Variants in PIK3C2B observed in about 807,000 individuals in gnomAD.
PIK3C2B encodes phosphatidylinositol 4-phosphate 3-kinase C2 domain-containing subunit beta.
Under a neutral mutation model 184.3 loss-of-function variants are expected in PIK3C2B, and 83 were observed. That is an observed-to-expected ratio of 0.45 (90% CI 0.38 to 0.54). PIK3C2B has a LOEUF of 0.54. Ranked by LOEUF, PIK3C2B falls within the 20% of genes least tolerant of loss-of-function variation. The pLI is 0.00. For missense variants in PIK3C2B, 1,736 were observed against 2,113.5 expected, an observed-to-expected ratio of 0.82 and a Z score of 3.50; for synonymous variants, 779 against 837.6, an observed-to-expected ratio of 0.93 and a Z score of 1.21.
chr1:204,442,762 T>C (rs1675738265), intron 19 of PIK3C2B, 129 bp from the exon 20 acceptor site: 4 of 623,388 alleles, frequency 6.4e-6, no homozygotes, highest in Non-Finnish European at 1.1e-5. Flanking sequence ...GTGGACACCC[T>C]CCAGAAGATC....
intron 12 of PIK3C2B, among the ~76,000 whole-genome samples, chr1:204,450,629 A>AGGAG (rs1392947727): frequency 6.6e-6 from 1 of 152,108 alleles, no homozygotes; most frequent in African/African-American, 2.4e-5. Context: ...AGGGACAAAG[A>AGGAG]GGAGGGGTTT....
chr1:204,464,437 C>T lies in PIK3C2B; in HGVS notation c.1189+13G>A, dbSNP rs756601020. On this transcript the variant is annotated intron_variant, in intron 4 of 32. Transcript: ENST00000684373. ...AAGGGATGCTCACATCCTCTCCCCC[C>T]TCACTAACTTACAGTTGCAGGTGAA... The T allele has an allele frequency of 1.2e-6, 2 of 1,610,678 alleles. No individual in the cohort carries two copies. The highest frequency in any genetic ancestry group is 8.5e-7 in the Non-Finnish European group (1 of 1,177,666).
chr1:204,447,617 G>A lies in PIK3C2B; in HGVS notation c.2347-39C>T, dbSNP rs988707875. The A allele has an allele frequency of 2.6e-6, 4 of 1,542,272 alleles. No homozygotes were observed. In the African/African-American group the frequency reaches 5.4e-5, roughly 21 times the overall value. ...TCAGGGATGTGAGGAGAGAAAACAG[G>A]CAGCGTGTGTGGACTCCCAGCTTCT... On this transcript the variant is annotated intron_variant, in intron 14 of 32. Coordinates refer to ENST00000684373, the MANE Select transcript of PIK3C2B (RefSeq NM_001377334.1). The surrounding 1 kb of genome is among the most constrained non-coding windows in gnomAD (Gnocchi z 4.1).
At position 204,493,969 on chromosome 1, in the gene PIK3C2B, G is replaced by A. The variant is rs555618468; in HGVS notation, c.-85+387C>T. Among the ~76,000 whole-genome samples, 84 of 152,192 alleles carry A rather than the reference G, an allele frequency of 5.5e-4. 1 individual carries two copies. Among genetic ancestry groups the A allele is most frequent in the Non-Finnish European group, 1.1e-3 (77 of 68,032 alleles). ...CACAGAAGGCACTAACCCCATCACA[G>A]GACAGGTTTTGCTTTTTTTATTTCT... On this transcript the variant is annotated intron_variant, in intron 1 of 32. Transcript: ENST00000684373.
chr1:204,432,890 G>A (rs1017654568), intron 26 of PIK3C2B, among the ~76,000 whole-genome samples: 5 of 152,156 alleles, frequency 3.3e-5, no homozygotes, highest in Admixed American at 1.3e-4. Flanking sequence ...ACACATCCTT[G>A]CTTTCACACA....
Position 204,482,482 on chromosome 1 carries a change from T to A in PIK3C2B, c.-85+11874A>T, listed in dbSNP as rs115070432. On this transcript the variant is annotated intron_variant, in intron 1 of 32. Coordinates refer to ENST00000684373, the MANE Select transcript of PIK3C2B (RefSeq NM_001377334.1). ...GTCAAAGGAGAAACCCTACTCAGGA[T>A]GCAACGCCTTAAGAGAGAACTGAAG... is the stretch of plus-strand genomic sequence containing the variant. 3.0e-3 allele frequency among the ~76,000 whole-genome samples: 456 copies of A among 152,318 alleles called. 3 individuals carry two copies. Among genetic ancestry groups the A allele is most frequent in the African/African-American group, 9.2e-3 (383 of 41,580 alleles).
Position 204,440,232 on chromosome 1 carries a change from G to T in PIK3C2B, c.3339C>A (p.Arg1113=). 6.2e-7 allele frequency: 1 copy of T among 1,612,494 alleles called. No individual in the cohort carries two copies. Among genetic ancestry groups the T allele is most frequent in the Non-Finnish European group, 8.5e-7 (1 of 1,179,134 alleles). Residue 1113 remains arginine, a synonymous_variant, in exon 22 of 33, where the codon CGC becomes CGA. Transcript: ENST00000684373. The part of the protein sequence containing the change: ...KIWVQEGLDM[R]MVIFRCFSTG... ...TGGAGAAGCAGCGGAAGATGACCAT[G>T]CGCATGTCCAGCCCCTCCTGGACCC... is the stretch of plus-strand genomic sequence containing the variant.
chr1:204,443,665 A>AGAGT lies in PIK3C2B; in HGVS notation c.2868-72_2868-69dup, dbSNP rs1653580168. 3 of 1,443,770 alleles carry AGAGT rather than the reference A, an allele frequency of 2.1e-6. No individual in the cohort carries two copies. The Admixed American group carries it at 5.2e-5, about 25-fold the overall frequency. The allele number at this position is 1,443,770 out of a possible 1,614,324, so 89.4% of individuals were successfully genotyped here. A position where few individuals can be genotyped will look rare whatever the true frequency, so the allele number is the denominator to read the frequency against. The stretch of plus-strand genomic sequence containing the variant: ...CAAAGGCAAGGGTACAGGGGGAGAC[A>AGAGT]GAGTCAGGCCCAGCTCCAACTCACT... On this transcript the variant is annotated intron_variant, in intron 18 of 32. Coordinates refer to ENST00000684373, the MANE Select transcript of PIK3C2B (RefSeq NM_001377334.1).
In PIK3C2B at chr1:204,445,993, T is replaced by G. The variant is rs866033740; in HGVS notation, c.2641A>C (p.Met881Leu). Residue 881 changes from methionine (M) to leucine (L), a missense_variant, in exon 16 of 33, where the codon ATG (methionine) becomes CTG (leucine). Physicochemically the swap from Met to Leu is conservative, Grantham distance 15. Coordinates refer to ENST00000684373, the MANE Select transcript of PIK3C2B (RefSeq NM_001377334.1). ...IYVLLKQWTH[M>L]NHQDALGLLH... ...AGCCCCAGGGCATCCTGGTGGTTCATGTGGGTCCACTGCTTCAGGAGAACA... is the reference window on the plus strand; with the variant it reads ...AGCCCCAGGGCATCCTGGTGGTTCAGGTGGGTCCACTGCTTCAGGAGAACA... 6 of 1,577,044 alleles carry G rather than the reference T, an allele frequency of 3.8e-6. No individual in the cohort carries two copies. Among genetic ancestry groups the G allele is most frequent in the Non-Finnish European group, 5.2e-6 (6 of 1,156,608 alleles).
chr1:204,438,574 T>C (rs1237734421), intron 23 of PIK3C2B, among the ~76,000 whole-genome samples: 1 of 152,194 alleles, frequency 6.6e-6, no homozygotes, highest in East Asian at 1.9e-4. Flanking sequence ...CAACTCTTTT[T>C]CTAGAAAGTA....
chr1:204,455,830 T>C, intron 11 of PIK3C2B, 26 bp downstream of exon 11: 2 of 1,580,146 alleles, frequency 1.3e-6, no homozygotes, highest in Non-Finnish European at 1.7e-6. Flanking sequence ...GCTTGCTCCC[T>C]AGCGGCTACT....
In PIK3C2B at chr1:204,449,868, G is replaced by T; in HGVS notation, c.2216C>A (p.Pro739Gln). 3.1e-6 allele frequency: 5 copies of T among 1,612,392 alleles called. No individual in the cohort carries two copies. The highest frequency in any genetic ancestry group is 4.2e-6 in the Non-Finnish European group (5 of 1,179,088). ...VPEALGWVTTPLFNFRQVLTC... is the reference protein window; with the variant it reads ...VPEALGWVTTQLFNFRQVLTC... ...CACATACTGCCTGAAGTTGAAGAGT[G>T]GGGTAGTGACCCAGCCCAGGGCTTC... Residue 739 changes from proline to glutamine, a missense_variant, in exon 13 of 33, where the codon CCA (proline) becomes CAA (glutamine). Physicochemically the swap from Pro to Gln is moderately conservative, Grantham distance 76. Around this residue, in one of 8 missense-constraint regions of PIK3C2B, gnomAD observed 609 missense variants for 699.2 expected, o/e 0.87. Transcript: ENST00000684373.
chr1:204,429,576 T>C (rs1309449844), intron 29 of PIK3C2B, among the ~76,000 whole-genome samples: 1 of 152,138 alleles, frequency 6.6e-6, no homozygotes, highest in Non-Finnish European at 1.5e-5. Context: ...CTACTATTTG[T>C]TTAAAAAAAA....
intron 5 of PIK3C2B, among the ~76,000 whole-genome samples, chr1:204,461,152 G>A (rs980554745): frequency 1.3e-5 from 2 of 152,154 alleles, no homozygotes; most frequent in African/African-American, 4.8e-5. Flanking sequence ...AAAAAAACTT[G>A]GGGCAAGCCT....
chr1:204,477,794 G>C (rs1656830781), intron 1 of PIK3C2B, among the ~76,000 whole-genome samples: 1 of 152,184 alleles, frequency 6.6e-6, no homozygotes, highest in Admixed American at 6.5e-5. Flanking sequence ...AAAGGGTGTT[G>C]AGTACCAGCT....
intron 29 of PIK3C2B, chr1:204,429,057 T>TA: frequency 9.2e-5 from 29 of 315,734 alleles, no homozygotes; most frequent in South Asian, 2.0e-4. Context: ...ACCCTGTCTT[T>TA]ACAAAAAAAA....
At position 204,424,858 on chromosome 1, in the gene PIK3C2B, G is replaced by A. The variant is rs1486781845; in HGVS notation, c.4899C>T (p.Thr1633=). 5 of 1,613,884 alleles carry A rather than the reference G, an allele frequency of 3.1e-6. No homozygotes were observed. The highest frequency in any genetic ancestry group is 4.2e-6 in the Non-Finnish European group (5 of 1,179,870). Reference sequence around the variant, plus strand: ...GGTGGTGGCTCTGCTGGGCTCACAAGGTGCCATGACTTCGAGATCCCAGGG... The same window carrying A: ...GGTGGTGGCTCTGCTGGGCTCACAAAGTGCCATGACTTCGAGATCCCAGGG... The part of the protein sequence containing the change: ...WFALGSRSHG[T]L The change falls in exon 33 of 33, where the codon ACC becomes ACT. Residue 1633 remains threonine, a synonymous_variant. Coordinates refer to ENST00000684373, the MANE Select transcript of PIK3C2B (RefSeq NM_001377334.1).
At chr1:204,470,017 C>T (rs973382318) in intron 1 of PIK3C2B, 131 bp from the exon 2 acceptor site, 1 of 573,848 alleles carries the variant, frequency 1.7e-6, no homozygotes, top group African/African-American at 1.9e-5. Flanking sequence ...ATGGAATGTA[C>T]AGGAAGATGG....
At chr1:204,431,851 T>C in intron 27 of PIK3C2B, 58 bp from the exon 28 acceptor site, 1 of 1,608,686 alleles carries the variant, frequency 6.2e-7, no homozygotes, top group Non-Finnish European at 8.5e-7. Context: ...CAGTGAAGGG[T>C]GTAGGAAAGG....
Sources: gnomAD v4.1 joint callset for allele counts (sites outside exome capture counted in the v4.1 genomes callset) on GRCh38, gnomAD v4.1.1 for gene constraint, gnomAD v4.1.1 regional missense constraint, Gnocchi (gnomAD v3.1) non-coding constraint, MANE v1.5 for transcripts, NCBI Gene and HGNC (gene_info 2026-07-23, HGNC 2026-07-21) for gene names.